MEGF10: variants seen among roughly 807,000 people sequenced by gnomAD.
MEGF10 encodes the protein multiple epidermal growth factor-like domains protein 10.
Under a neutral mutation model 147.5 loss-of-function variants are expected in MEGF10, and 86 were observed. That is an observed-to-expected ratio of 0.58 (90% CI 0.49 to 0.70). MEGF10 has a LOEUF of 0.70. Among genes scored for constraint, MEGF10 ranks in the 30% least tolerant of loss-of-function variants. The pLI, the probability that MEGF10 is intolerant of heterozygous loss-of-function variation, is 0.00. For synonymous variants in MEGF10, 478 were observed against 525.5 expected (o/e 0.91, Z 1.24); for missense variants, 1,329 against 1,487.3 (o/e 0.89, Z 1.75).
intron 4 of MEGF10, among the ~76,000 whole-genome samples, chr5:127,364,758 C>T (rs768307529): frequency 2.0e-5 from 3 of 152,120 alleles, no homozygotes; most frequent in East Asian, 1.9e-4. Flanking sequence ...CTTCCTCCTT[C>T]GAATCTTCTG....
At chr5:127,240,935 A>G in the MEGF10 span, among the ~76,000 whole-genome samples, 1 of 152,254 alleles carries the variant, frequency 6.6e-6, no homozygotes, top group African/African-American at 2.4e-5. Context: ...GACATTGGGC[A>G]GATGTCTTCT....
rs1055806132 is a variant in MEGF10 at position 127,457,279 on chromosome 5, T to C, written c.3384T>C (p.Ser1128=). The C allele has an allele frequency of 1.9e-6, 3 of 1,613,826 alleles. No individual in the cohort carries two copies. The African/African-American group carries it at 4.0e-5, about 22-fold the overall frequency. ...DSSSSPKQED[S]GGSSSNSSSS... is the part of the protein sequence containing the mutation. ...CATCCTCCCCTAAGCAAGAGGACAG[T>C]GGTGGTAGCAGCAGCAACAGCAGCA... Residue 1128 remains serine (S), a synonymous_variant, in exon 25 of 25, where the codon AGT becomes AGC. Coordinates refer to ENST00000503335, the MANE Select transcript of MEGF10 (RefSeq NM_001256545.2).
chr5:127,400,089 T>C (rs537052970), intron 7 of MEGF10, among the ~76,000 whole-genome samples: 1 of 152,334 alleles, frequency 6.6e-6, no homozygotes, highest in South Asian at 2.1e-4. Flanking sequence ...AAAGGAGACC[T>C]GGAGTCCACT....
Position 127,419,996 on chromosome 5 carries a change from C to G in MEGF10, c.1427-48C>G, listed in dbSNP as rs765871625. On this transcript the variant is annotated intron_variant, in intron 11 of 24. Coordinates refer to ENST00000503335, the MANE Select transcript of MEGF10 (RefSeq NM_001256545.2). ...TGGTTTGGAAAGGCTCAACAAGGCT[C>G]TCTGCTGCCTTTGTTCGCTCACGTG... 14 of 1,596,540 alleles carry G rather than the reference C, an allele frequency of 8.8e-6. No homozygotes were observed. The African/African-American group carries it at 1.7e-4, about 20-fold the overall frequency.
chr5:127,391,124 A>G (rs1209372086), intron 5 of MEGF10, among the ~76,000 whole-genome samples: 5 of 92,818 alleles, frequency 5.4e-5, no homozygotes, highest in Admixed American at 9.8e-5. Flanking sequence ...ACACACACAC[A>G]CACACACACA....
chr5:127,393,020 C>A (rs144690688), intron 5 of MEGF10, among the ~76,000 whole-genome samples: 10 of 152,328 alleles, frequency 6.6e-5, no homozygotes, highest in Admixed American at 3.3e-4. Context: ...TGCTCACTAG[C>A]ATTTAGGTCA....
intron 10 of MEGF10, among the ~76,000 whole-genome samples, chr5:127,418,093 T>C (rs1764847151): frequency 6.6e-6 from 1 of 152,242 alleles, no homozygotes; most frequent in Admixed American, 6.5e-5. Context: ...TAATTTATTT[T>C]ATTGTGTTTT....
chr5:127,333,266 A>G (rs1476761196), intron 2 of MEGF10, among the ~76,000 whole-genome samples: 1 of 152,182 alleles, frequency 6.6e-6, no homozygotes, highest in Non-Finnish European at 1.5e-5. Flanking sequence ...CTGTAATCCC[A>G]GCACATTGGG....
intron 4 of MEGF10, among the ~76,000 whole-genome samples, chr5:127,345,581 T>C (rs2126810097): frequency 6.6e-6 from 1 of 152,282 alleles, no homozygotes; most frequent in East Asian, 1.9e-4. Context: ...CTTGTGGTGG[T>C]TTTACTCTGT....
At chr5:127,316,153 T>C (rs562852819) in intron 1 of MEGF10, among the ~76,000 whole-genome samples, 2 of 152,346 alleles carry the variant, frequency 1.3e-5, no homozygotes, top group South Asian at 4.1e-4. Flanking sequence ...TTGCTCTGCC[T>C]CCTTATCTTG....
chr5:127,369,991 ACTGCTCC>A lies in MEGF10; in HGVS notation c.402_408del (p.Asn134LysfsTer200). 1 of 1,612,660 alleles carries A rather than the reference ACTGCTCC, an allele frequency of 6.2e-7. No individual in the cohort carries two copies. The highest frequency in any genetic ancestry group is 2.2e-5 in the East Asian group (1 of 44,842). On this transcript the variant is annotated frameshift_variant, in exon 5 of 25. Coordinates refer to ENST00000503335, the MANE Select transcript of MEGF10 (RefSeq NM_001256545.2). LOFTEE classifies it high-confidence loss of function. The stretch of plus-strand genomic sequence containing the variant: ...TGTGAGCCTGGCTGGGGAGGGACCA[ACTGCTCC>A]AGTGGTAAGTTTCCACCTGCTGTTG...
intron 5 of MEGF10, among the ~76,000 whole-genome samples, chr5:127,382,025 A>AT (rs1763284523): frequency 6.6e-6 from 1 of 152,158 alleles, no homozygotes; most frequent in Non-Finnish European, 1.5e-5. Flanking sequence ...CTGATATCTT[A>AT]TTTTTTGTGA....
chr5:127,350,304 T>G (rs1426796880), intron 4 of MEGF10, among the ~76,000 whole-genome samples: 1 of 152,162 alleles, frequency 6.6e-6, no homozygotes, highest in Non-Finnish European at 1.5e-5. Flanking sequence ...CAGATAGTTC[T>G]CTAATTTAGA....
chr5:127,422,036 A>G (rs192325428), intron 12 of MEGF10, among the ~76,000 whole-genome samples: 1 of 149,634 alleles, frequency 6.7e-6, no homozygotes, highest in African/African-American at 2.4e-5. Context: ...AAAAAGCTCT[A>G]AAATTATAGT....
At chr5:127,237,353 G>A in the MEGF10 span, among the ~76,000 whole-genome samples, 6 of 152,254 alleles carry the variant, frequency 3.9e-5, no homozygotes, top group Admixed American at 2.6e-4. Context: ...CTAGCTGGGC[G>A]TGGTGGTGGG....
At chr5:127,361,103 GT>G (rs1290225499) in intron 4 of MEGF10, among the ~76,000 whole-genome samples, 3 of 151,574 alleles carry the variant, frequency 2.0e-5, no homozygotes, top group Admixed American at 1.3e-4. Flanking sequence ...TCTGGAATAA[GT>G]TTTTTTTAGA....
chr5:127,400,590 G>C (rs1764090029), intron 7 of MEGF10, among the ~76,000 whole-genome samples: 1 of 152,198 alleles, frequency 6.6e-6, no homozygotes, highest in Non-Finnish European at 1.5e-5. Context: ...GCAGAGTGTT[G>C]AGAACTCCAT....
At chr5:127,435,956 C>A (rs574643840) in intron 16 of MEGF10, among the ~76,000 whole-genome samples, 5 of 152,288 alleles carry the variant, frequency 3.3e-5, no homozygotes, top group Admixed American at 6.5e-5. Context: ...TTCCACACCA[C>A]TGGATTTCAG....
chr5:127,325,132 T>C (rs948083085), intron 1 of MEGF10, among the ~76,000 whole-genome samples: 1 of 152,218 alleles, frequency 6.6e-6, no homozygotes, highest in South Asian at 2.1e-4. Flanking sequence ...CAGTGATTTC[T>C]AGTTTCCTTT....
Sources: gnomAD v4.1 joint callset for allele counts (sites outside exome capture counted in the v4.1 genomes callset) on GRCh38, gnomAD v4.1.1 for gene constraint, MANE v1.5 for transcripts, NCBI Gene and HGNC (gene_info 2026-07-23, HGNC 2026-07-21) for gene names.